The following SAV1 variants were observed in gnomAD, a reference collection of about 807,000 sequenced individuals.
SAV1 encodes the protein salvador family WW domain containing protein 1.
A neutral mutation model predicts 47.3 loss-of-function variants in SAV1; 23 were observed. The ratio of observed to expected loss-of-function variants is 0.49; its 90% confidence interval spans 0.35 to 0.69. SAV1 has a LOEUF of 0.69. SAV1 is among the 30% of genes least tolerant of loss of function. The pLI, the probability that SAV1 is intolerant of heterozygous loss-of-function variation, is 0.01. For synonymous variants in SAV1, 155 were observed against 159.2 expected, an observed-to-expected ratio of 0.97 and a Z score of 0.20; for missense variants, 448 against 457.4, an observed-to-expected ratio of 0.98 and a Z score of 0.19.
chr14:50,633,952 A>AAG lies in SAV1; in HGVS notation c.*1230_*1231insCT. The AAG allele has an allele frequency of 5.3e-6, 1 of 188,668 alleles. No homozygotes were observed. Among genetic ancestry groups the AAG allele is most frequent in the Non-Finnish European group, 1.2e-5 (1 of 86,560 alleles). 11.7% of individuals were successfully genotyped at this position (188,668 alleles called of 1,614,324 possible). A position where few individuals can be genotyped will look rare whatever the true frequency, so the allele number is the denominator to read the frequency against. On this transcript the variant is annotated 3_prime_UTR_variant, in exon 5 of 5. Transcript: ENST00000324679. ...GTTTTAACTATTAAACCAAAAGGGG[A>AAG]GAAAAACTGGGAGGGAAATATATGG...
In SAV1 at chr14:50,634,310, A is replaced by G. The variant is rs1443610952; in HGVS notation, c.*873T>C. On this transcript the variant is annotated 3_prime_UTR_variant, in exon 5 of 5. Coordinates refer to ENST00000324679, the MANE Select transcript of SAV1 (RefSeq NM_021818.4). ...CATTCATACCAAAAAATACTTTCTC[A>G]ACATGCTTTAAAAGGATTCCTTATT... The G allele has an allele frequency of 3.3e-6, 1 of 299,252 alleles. No homozygotes were observed. Among genetic ancestry groups the G allele is most frequent in the Non-Finnish European group, 6.9e-6 (1 of 145,080 alleles). 18.5% of individuals were successfully genotyped at this position (299,252 alleles called of 1,614,324 possible).
intron 2 of SAV1, among the ~76,000 whole-genome samples, chr14:50,658,491 A>G (rs763619385): frequency 2.0e-5 from 3 of 152,130 alleles, no homozygotes; most frequent in Non-Finnish European, 2.9e-5. Flanking sequence ...TAAACGTAGA[A>G]CTTTCTAGGC....
At chr14:50,667,357 A>G (rs772454712) in intron 1 of SAV1, 6 of 452,952 alleles carry the variant, frequency 1.3e-5, no homozygotes, top group Non-Finnish European at 2.2e-5. Context: ...GGTGGCGGCT[A>G]CAAGAACGAC....
Position 50,665,638 on chromosome 14 carries a change from T to TA in SAV1, c.95-20dup, listed in dbSNP as rs778895693. On this transcript the variant is annotated intron_variant, in intron 1 of 4. Coordinates refer to ENST00000324679, the MANE Select transcript of SAV1 (RefSeq NM_021818.4). ...ATAAGATCTACAATAAAACAAAGGA[T>TA]AAAATTACCCTTTCATCATTAAGTA... 1.5e-5 allele frequency: 23 copies of TA among 1,546,830 alleles called. 1 individual carries two copies. The South Asian group carries it at 2.9e-4, about 19-fold the overall frequency.
intron 2 of SAV1, among the ~76,000 whole-genome samples, chr14:50,653,531 A>C (rs1385148327): frequency 6.6e-6 from 1 of 152,210 alleles, no homozygotes; most frequent in African/African-American, 2.4e-5. Context: ...TGAATATTGC[A>C]ATAAAGCGAG....
At chr14:50,663,265 G>A (rs2039875004) in intron 2 of SAV1, 1 of 152,148 alleles carries the variant, frequency 6.6e-6, no homozygotes, top group Admixed American at 6.5e-5. Flanking sequence ...AGGATCTCTG[G>A]TGGACAGGTA....
chr14:50,641,257 A>C (rs541144575), intron 3 of SAV1, among the ~76,000 whole-genome samples: 14 of 152,296 alleles, frequency 9.2e-5, no homozygotes, highest in Admixed American at 5.9e-4. Context: ...GGGGGTTAGG[A>C]TATGTAGTGA....
Position 50,640,789 on chromosome 14 carries a change from A to C in SAV1, c.911T>G (p.Ile304Ser). 6.2e-7 allele frequency: 1 copy of C among 1,613,806 alleles called. No individual in the cohort carries two copies. The highest frequency in any genetic ancestry group is 8.5e-7 in the Non-Finnish European group (1 of 1,179,850). ...TGCGTAAACCTGAAGCCAGTCAGGA[A>C]TTTCTGCAGTATGATATGGATTTGC... The part of the protein sequence containing the change: ...VPANPYHTAE[I>S]PDWLQVYARA... The change falls in exon 4 of 5, where the codon ATT (isoleucine) becomes AGT (serine). Residue 304 changes from isoleucine to serine, a missense_variant. By Grantham distance (142) the Ile-to-Ser change is moderately radical. Transcript: ENST00000324679.
intron 2 of SAV1, among the ~76,000 whole-genome samples, chr14:50,658,133 G>T (rs2140261565): frequency 6.6e-6 from 1 of 152,266 alleles, no homozygotes; most frequent in East Asian, 1.9e-4. Flanking sequence ...TACAGAAAAG[G>T]TGGTGTCTCT....
At chr14:50,661,213 AT>A (rs2039857447) in intron 2 of SAV1, among the ~76,000 whole-genome samples, 1 of 152,314 alleles carries the variant, frequency 6.6e-6, no homozygotes, top group South Asian at 2.1e-4. Flanking sequence ...ACGATTAGTG[AT>A]GTTGCACATT....
intron 2 of SAV1, among the ~76,000 whole-genome samples, chr14:50,650,496 T>G (rs1054826668): frequency 1.3e-5 from 2 of 152,208 alleles, no homozygotes; most frequent in African/African-American, 4.8e-5. Flanking sequence ...CTCCTGGGAT[T>G]CACACCCTTG....
intron 4 of SAV1, among the ~76,000 whole-genome samples, chr14:50,636,609 T>C (rs905819910): frequency 6.6e-6 from 1 of 152,224 alleles, no homozygotes; most frequent in Non-Finnish European, 1.5e-5. Flanking sequence ...AGTAGTCGGC[T>C]ACATAGTTCC....
At chr14:50,660,551 G>A (rs1309449808) in intron 2 of SAV1, among the ~76,000 whole-genome samples, 1 of 152,156 alleles carries the variant, frequency 6.6e-6, no homozygotes, top group Non-Finnish European at 1.5e-5. Context: ...CATGCAAAGA[G>A]TATGAAATAA....
In SAV1 at chr14:50,634,821, C is replaced by A; in HGVS notation, c.*362G>T. On this transcript the variant is annotated 3_prime_UTR_variant, in exon 5 of 5. Coordinates refer to ENST00000324679, the MANE Select transcript of SAV1 (RefSeq NM_021818.4). Reference sequence around the variant, plus strand: ...GGTAAACTTTTTTTTTAAAAAAATACCGCAGATTCTTTTTTTTTTTTAAAG... The same window carrying A: ...GGTAAACTTTTTTTTTAAAAAAATAACGCAGATTCTTTTTTTTTTTTAAAG... 5.7e-6 allele frequency: 1 copy of A among 176,494 alleles called. No homozygotes were observed. Among genetic ancestry groups the A allele is most frequent in the Non-Finnish European group, 1.2e-5 (1 of 84,440 alleles). The allele number at this position is 176,494 out of a possible 1,614,324, so 10.9% of individuals were successfully genotyped here.
At chr14:50,641,425 G>A (rs894104241) in intron 3 of SAV1, among the ~76,000 whole-genome samples, 1 of 151,874 alleles carries the variant, frequency 6.6e-6, no homozygotes, top group Non-Finnish European at 1.5e-5. Flanking sequence ...AGTTCTAATA[G>A]CCTGTGTATG....
rs1055630131 is a variant in SAV1 at position 50,634,048 on chromosome 14, A to AT, written c.*1134dup. On this transcript the variant is annotated 3_prime_UTR_variant, in exon 5 of 5. Coordinates refer to ENST00000324679, the MANE Select transcript of SAV1 (RefSeq NM_021818.4). ...TATACATTCGATTTAATGACCAAAA[A>AT]TTTTTTTTGAATCCCTGGTTGTCAT... 1.4e-5 allele frequency: 4 copies of AT among 291,600 alleles called. No individual in the cohort carries two copies. Among genetic ancestry groups the AT allele is most frequent in the South Asian group, 2.9e-5 (1 of 34,156 alleles). The allele number at this position is 291,600 out of a possible 1,614,324, so 18.1% of individuals were successfully genotyped here. A position where few individuals can be genotyped will look rare whatever the true frequency, so the allele number is the denominator to read the frequency against.
rs1033158983 is a variant in SAV1, at chr14:50,659,088, T to A, written c.535+6091A>T. On this transcript the variant is annotated intron_variant, in intron 2 of 4. Coordinates refer to ENST00000324679, the MANE Select transcript of SAV1 (RefSeq NM_021818.4). ...GCTGTAAAGAATTTTTTTTTTTTTT[T>A]TTTTTTGGTTGGGAGAGATACCTTA... is the stretch of plus-strand genomic sequence containing the variant. Among the ~76,000 whole-genome samples, 15 of 151,742 alleles carry A rather than the reference T, an allele frequency of 9.9e-5. 1 individual carries two copies. The East Asian group carries it at 2.7e-3, about 27-fold the overall frequency.
In SAV1 at chr14:50,667,982, C is replaced by A; in HGVS notation, c.-15G>T. ...CGGGACAGCATCCTTCTCGACGAGG[C>A]CCGAGGCCGCGCTGAACTGCCTCCC... is the stretch of plus-strand genomic sequence containing the variant. On this transcript the variant is annotated 5_prime_UTR_variant, in exon 1 of 5. Coordinates refer to ENST00000324679, the MANE Select transcript of SAV1 (RefSeq NM_021818.4). The A allele has an allele frequency of 6.2e-7, 1 of 1,604,912 alleles. No homozygotes were observed. The highest frequency in any genetic ancestry group is 8.5e-7 in the Non-Finnish European group (1 of 1,176,052).
Position 50,634,215 on chromosome 14 carries a change from C to G in SAV1, c.*968G>C. The G allele has an allele frequency of 2.2e-6, 1 of 454,656 alleles. No individual in the cohort carries two copies. Among genetic ancestry groups the G allele is most frequent in the Non-Finnish European group, 4.4e-6 (1 of 225,990 alleles). The allele number at this position is 454,656 out of a possible 1,614,324, so 28.2% of individuals were successfully genotyped here. On this transcript the variant is annotated 3_prime_UTR_variant, in exon 5 of 5. Transcript: ENST00000324679. The stretch of plus-strand genomic sequence containing the variant: ...ATGATGTTAGCAACTTTGAGTTTCA[C>G]GCACCTTCCCAATACAGGCTAAGTA...
Sources: gnomAD v4.1 joint callset for allele counts (sites outside exome capture counted in the v4.1 genomes callset) on GRCh38, gnomAD v4.1.1 for gene constraint, MANE v1.5 for transcripts, NCBI Gene and HGNC (gene_info 2026-07-23, HGNC 2026-07-21) for gene names.